Variants in GPR89B observed in about 807,000 individuals in gnomAD.
The protein encoded by GPR89B is G protein-coupled receptor 89B.
Under a neutral mutation model 52.4 loss-of-function variants are expected in GPR89B, and 25 were observed. That is an observed-to-expected ratio of 0.48 (90% CI 0.35 to 0.67). The LOEUF (loss-of-function observed/expected upper bound fraction) is 0.67, where lower values mean the gene tolerates loss of function less well. Among genes scored for constraint, GPR89B ranks in the 30% least tolerant of loss-of-function variants. The pLI is 0.01. For missense variants in GPR89B, 146 were observed against 450.2 expected (o/e 0.32, Z 6.11); for synonymous variants, 52 against 151.2 (o/e 0.34, Z 4.81).
intron 10 of GPR89B, among the ~76,000 whole-genome samples, chr1:147,985,123 G>A (rs1352911607): frequency 6.6e-5 from 10 of 152,240 alleles, no homozygotes; most frequent in East Asian, 1.9e-4. Context: ...TTTGCTTTAC[G>A]TATTTTGAAG....
chr1:147,930,704 C>T (rs1653514042), intron 1 of GPR89B, among the ~76,000 whole-genome samples: 1 of 152,124 alleles, frequency 6.6e-6, no homozygotes, highest in Admixed American at 6.5e-5. Context: ...GAATCTTGCT[C>T]ACCACGGCAC....
intron 10 of GPR89B, among the ~76,000 whole-genome samples, chr1:147,971,963 T>C (rs1173701772): frequency 6.6e-6 from 1 of 151,854 alleles, no homozygotes; most frequent in Non-Finnish European, 1.5e-5. Context: ...TGGTGTCCCT[T>C]TGTAATGCCT....
At chr1:148,009,006 T>G in the GPR89B span, among the ~76,000 whole-genome samples, 5 of 152,186 alleles carry the variant, frequency 3.3e-5, no homozygotes, top group African/African-American at 1.2e-4. Context: ...TATTCTGCCC[T>G]TCATTTTCAC....
At chr1:147,992,641 T>C in intron 13 of GPR89B, 70 bp from the exon 14 acceptor site, 9 of 1,597,984 alleles carry the variant, frequency 5.6e-6, no homozygotes, top group Non-Finnish European at 7.7e-6. Flanking sequence ...TTAAGAATTT[T>C]AATAATTTCC....
chr1:147,976,054 G>T (rs1657803632), intron 10 of GPR89B, among the ~76,000 whole-genome samples: 1 of 152,254 alleles, frequency 6.6e-6, no homozygotes, highest in Non-Finnish European at 1.5e-5. Context: ...CATTTGCTGA[G>T]GAGTGTTCTA....
rs587638132 is a variant in GPR89B, at chr1:147,932,677, A to C, written c.43-3950A>C. On this transcript the variant is annotated intron_variant, in intron 1 of 13. Transcript: ENST00000314163. ...CTACTGTGAATACTTTCTGCATTTT[A>C]ATCTAAAAGGTTATCTGTGTTCACA... is the stretch of plus-strand genomic sequence containing the variant. 3.3e-5 allele frequency among the ~76,000 whole-genome samples: 5 copies of C among 152,258 alleles called. No individual in the cohort carries two copies. The South Asian group carries it at 8.3e-4, about 25-fold the overall frequency.
chr1:148,000,039 A>G, the GPR89B span, among the ~76,000 whole-genome samples: 2 of 152,212 alleles, frequency 1.3e-5, no homozygotes, highest in African/African-American at 2.4e-5. Context: ...TGGGACAACC[A>G]CTTGGACTAT....
At chr1:147,995,032 A>G (rs1194386739), downstream of GPR89B, among the ~76,000 whole-genome samples, 3 of 152,198 alleles carry the variant, frequency 2.0e-5, no homozygotes, top group African/African-American at 7.2e-5. Flanking sequence ...ATAGAGAATA[A>G]TATAGAGAAT....
chr1:147,947,639 C>G (rs1427402234), intron 5 of GPR89B, among the ~76,000 whole-genome samples: 2 of 151,586 alleles, frequency 1.3e-5, no homozygotes, highest in Non-Finnish European at 2.9e-5. Flanking sequence ...TACTTTAAAC[C>G]AGAAAAAGAT....
the GPR89B span, among the ~76,000 whole-genome samples, chr1:148,020,913 A>G: frequency 6.6e-6 from 1 of 151,576 alleles, no homozygotes; most frequent in Non-Finnish European, 1.5e-5. Flanking sequence ...ATCTTGAACT[A>G]CTGACCTCAC....
At chr1:147,995,539 G>A, downstream of GPR89B, 2 of 1,566,868 alleles carry the variant, frequency 1.3e-6, no homozygotes, top group Non-Finnish European at 1.8e-6. Context: ...ATACTCATAG[G>A]GACTGTACCC....
downstream of GPR89B, chr1:147,995,580 A>G (rs1659297645): frequency 2.5e-6 from 4 of 1,606,270 alleles, no homozygotes; most frequent in African/African-American, 2.7e-5. Context: ...ATGAAAAGAA[A>G]TAGGCCCCCA....
intron 1 of GPR89B, among the ~76,000 whole-genome samples, chr1:147,936,108 C>A (rs1208508910): frequency 2.0e-5 from 3 of 152,156 alleles, no homozygotes; most frequent in Non-Finnish European, 4.4e-5. Context: ...ACCTCTGCCT[C>A]CCAGATTCAA....
At chr1:147,956,741 A>ATTTT (rs1217901037) in intron 7 of GPR89B, among the ~76,000 whole-genome samples, 2 of 144,694 alleles carry the variant, frequency 1.4e-5, no homozygotes, top group African/African-American at 5.1e-5. Context: ...GTCTATTGTG[A>ATTTT]TTTTTTTTTT....
intron 7 of GPR89B, among the ~76,000 whole-genome samples, chr1:147,966,118 A>G (rs1397880161): frequency 6.6e-6 from 1 of 151,912 alleles, no homozygotes; most frequent in Non-Finnish European, 1.5e-5. Flanking sequence ...AAGTGCTGGG[A>G]TTACAGGAGT....
intron 5 of GPR89B, among the ~76,000 whole-genome samples, chr1:147,945,727 CTT>C (rs1391522449): frequency 7.5e-6 from 1 of 133,516 alleles, no homozygotes; most frequent in Non-Finnish European, 1.6e-5. Flanking sequence ...TTTCAAGTTT[CTT>C]TTTTTTTTTT....
chr1:147,949,038 G>A (rs1235135339), intron 5 of GPR89B, among the ~76,000 whole-genome samples: 1 of 152,094 alleles, frequency 6.6e-6, no homozygotes, highest in Non-Finnish European at 1.5e-5. Flanking sequence ...TTAACCCTGA[G>A]TGGACACAGC....
At chr1:147,997,780 A>G (rs1659351300), downstream of GPR89B, among the ~76,000 whole-genome samples, 1 of 152,200 alleles carries the variant, frequency 6.6e-6, no homozygotes, top group African/African-American at 2.4e-5. Context: ...AGACCAACCC[A>G]TATACACAGT....
the GPR89B span, among the ~76,000 whole-genome samples, chr1:148,023,981 C>CTT: frequency 6.8e-6 from 1 of 146,460 alleles, no homozygotes; most frequent in Non-Finnish European, 1.5e-5. Context: ...GCTACAATTG[C>CTT]TTTTGTGGAC....
Sources: gnomAD v4.1 joint callset for allele counts (sites outside exome capture counted in the v4.1 genomes callset) on GRCh38, gnomAD v4.1.1 for gene constraint, MANE v1.5 for transcripts, NCBI Gene and HGNC (gene_info 2026-07-23, HGNC 2026-07-21) for gene names.